CTNNA3: variants seen among roughly 807,000 people sequenced by gnomAD.
CTNNA3 encodes the protein catenin alpha-3.
Under a neutral mutation model 95.7 loss-of-function variants are expected in CTNNA3, and 76 were observed. The observed-to-expected ratio is 0.79, with a 90% CI of 0.66 to 0.96. CTNNA3 has a LOEUF of 0.96. Ranked by LOEUF, CTNNA3 falls within the 40% of genes least tolerant of loss-of-function variation. CTNNA3 has a pLI of 0.00. For synonymous variants in CTNNA3, 431 were observed against 374.4 expected (o/e 1.15, Z -1.74); for missense variants, 1,191 against 1,089.8 (o/e 1.09, Z -1.31).
At chr10:66,475,103 G>T (rs1314491913) in intron 11 of CTNNA3, among the ~76,000 whole-genome samples, 1 of 151,844 alleles carries the variant, frequency 6.6e-6, no homozygotes, top group Non-Finnish European at 1.5e-5. Context: ...TTAAGTTGTT[G>T]ATTTGTTTTT....
rs774671149 is a variant in CTNNA3, at chr10:67,005,687, T to TTTTTTTTGTTTTTG, written c.1047+174629_1047+174630insCAAAAACAAAAAAA. Among the ~76,000 whole-genome samples the TTTTTTTTGTTTTTG allele has an allele frequency of 2.1e-3, 214 of 102,322 alleles. 9 individuals carry two copies. Among genetic ancestry groups the TTTTTTTTGTTTTTG allele is most frequent in the African/African-American group, 6.1e-3 (198 of 32,448 alleles). The allele number at this position is 102,322 out of a possible 152,430, so 67.1% of individuals were successfully genotyped here. ...TTTTGTTTATTTTACTCCATCTTTT[T>TTTTTTTTGTTTTTG]TTTTTTTTTTTTTTTTGAGACGGAG... On this transcript the variant is annotated intron_variant, in intron 7 of 17. Transcript: ENST00000433211.
chr10:67,615,478 A>T (rs1843621011), intron 2 of CTNNA3, among the ~76,000 whole-genome samples: 1 of 152,198 alleles, frequency 6.6e-6, no homozygotes, highest in Admixed American at 6.5e-5. Context: ...TCTAGTTTTC[A>T]CTTAACCACT....
At chr10:66,015,600 C>T (rs2079079866) in intron 15 of CTNNA3, among the ~76,000 whole-genome samples, 1 of 151,820 alleles carries the variant, frequency 6.6e-6, no homozygotes, top group Non-Finnish European at 1.5e-5. Context: ...CCAACTTTTT[C>T]GTTACCTACA....
chr10:67,313,278 T>TA (rs890773398), intron 5 of CTNNA3, among the ~76,000 whole-genome samples: 32 of 150,966 alleles, frequency 2.1e-4, no homozygotes, highest in African/African-American at 7.3e-4. Flanking sequence ...CTACTAAAAA[T>TA]AAAAAAAAAT....
intron 15 of CTNNA3, among the ~76,000 whole-genome samples, chr10:66,042,935 T>G (rs867010013): frequency 0.017 from 1,388 of 80,186 alleles, 39 homozygotes; most frequent in African/African-American, 0.062. Flanking sequence ...AAAAAGAAAA[T>G]AAAAATAATG....
At chr10:66,745,016 T>A (rs1198965475) in intron 9 of CTNNA3, among the ~76,000 whole-genome samples, 5 of 152,168 alleles carry the variant, frequency 3.3e-5, no homozygotes, top group African/African-American at 1.2e-4. Context: ...AGAGTCACAA[T>A]TCAAGACCGT....
At chr10:66,904,698 G>C (rs887875404) in intron 7 of CTNNA3, among the ~76,000 whole-genome samples, 5 of 152,134 alleles carry the variant, frequency 3.3e-5, no homozygotes, top group Non-Finnish European at 5.9e-5. Flanking sequence ...CCATCAAAAA[G>C]TGGGCAAAGG....
intron 9 of CTNNA3, among the ~76,000 whole-genome samples, chr10:66,667,926 T>C (rs1052796827): frequency 2.0e-5 from 3 of 152,088 alleles, no homozygotes; most frequent in African/African-American, 7.2e-5. Context: ...CATATACTCT[T>C]ATAGTGCCCA....
intron 5 of CTNNA3, among the ~76,000 whole-genome samples, chr10:67,403,599 C>T (rs1845010885): frequency 6.6e-6 from 1 of 152,178 alleles, no homozygotes; most frequent in African/African-American, 2.4e-5. Flanking sequence ...GGTGGGCTGC[C>T]ACCTGTGCTG....
chr10:67,447,648 G>A lies in CTNNA3; in HGVS notation c.579+74194C>T, dbSNP rs147176888. ...CTCAATGTCACTTTCAAAGAAAGATGATCCCTGACCACCTTGTATCAAACA... is the reference window on the plus strand; with the variant it reads ...CTCAATGTCACTTTCAAAGAAAGATAATCCCTGACCACCTTGTATCAAACA... On this transcript the variant is annotated intron_variant, in intron 5 of 17. Transcript: ENST00000433211. Among the ~76,000 whole-genome samples the A allele has an allele frequency of 2.1e-3, 321 of 152,178 alleles. 2 individuals are homozygous for A. The highest frequency in any genetic ancestry group is 7.4e-3 in the African/African-American group (308 of 41,542).
At chr10:67,352,938 AT>A (rs1842686376) in intron 5 of CTNNA3, among the ~76,000 whole-genome samples, 1 of 151,940 alleles carries the variant, frequency 6.6e-6, no homozygotes, top group Non-Finnish European at 1.5e-5. Flanking sequence ...TATGTACACA[AT>A]GGCCAACTAG....
At chr10:66,766,207 G>A in intron 9 of CTNNA3, 57 bp downstream of exon 9, 10 of 1,551,966 alleles carry the variant, frequency 6.4e-6, no homozygotes, top group South Asian at 1.1e-5. Flanking sequence ...ACCATAAATG[G>A]AGAATGGGAG....
At chr10:67,218,809 T>C (rs1044215352) in intron 6 of CTNNA3, among the ~76,000 whole-genome samples, 1 of 152,236 alleles carries the variant, frequency 6.6e-6, no homozygotes. Context: ...AGCCTGGTTT[T>C]TCAGTTCCTC....
chr10:66,875,190 G>A (rs1227785010), intron 7 of CTNNA3, among the ~76,000 whole-genome samples: 3 of 152,082 alleles, frequency 2.0e-5, no homozygotes, highest in East Asian at 1.9e-4. Flanking sequence ...GAAAGATGTG[G>A]GAGAAGTTTC....
At chr10:67,455,832 T>C (rs1365731026) in intron 5 of CTNNA3, among the ~76,000 whole-genome samples, 2 of 152,102 alleles carry the variant, frequency 1.3e-5, no homozygotes, top group African/African-American at 4.8e-5. Context: ...GATGATTACA[T>C]GTAACACTGA....
At chr10:67,539,953 G>T (rs980165073) in intron 3 of CTNNA3, among the ~76,000 whole-genome samples, 21 of 152,074 alleles carry the variant, frequency 1.4e-4, no homozygotes, top group Non-Finnish European at 1.5e-5. Context: ...TGCATTTGCT[G>T]AATCTCATTT....
At chr10:66,149,233 ACT>A (rs923785186) in intron 13 of CTNNA3, among the ~76,000 whole-genome samples, 12 of 147,226 alleles carry the variant, frequency 8.2e-5, no homozygotes, top group African/African-American at 1.7e-4. Flanking sequence ...AATATATATA[ACT>A]CTATATTTAT....
At chr10:66,411,189 T>C (rs7914875) in intron 11 of CTNNA3, among the ~76,000 whole-genome samples, 37,665 of 152,108 alleles carry the variant, frequency 0.25, 4,833 homozygotes, top group South Asian at 0.37. Context: ...GTAAATAATG[T>C]GTCCTGTGTT....
Position 66,772,687 on chromosome 10 carries a change from T to C in CTNNA3, c.1128+2757A>G, listed in dbSNP as rs73307085. Among the ~76,000 whole-genome samples, 1,283 of 152,282 alleles carry C rather than the reference T, an allele frequency of 8.4e-3. 18 individuals are homozygous for C. The highest frequency in any genetic ancestry group is 0.029 in the African/African-American group (1,205 of 41,544). On this transcript the variant is annotated intron_variant, in intron 8 of 17. Coordinates refer to ENST00000433211, the MANE Select transcript of CTNNA3 (RefSeq NM_013266.4). The stretch of plus-strand genomic sequence containing the variant: ...CTCTCGCCTCCTAGAACATTCCATC[T>C]TGATGTCCTCAAATCTATAATTTGC...
Sources: allele counts gnomAD v4.1 joint callset (sites outside exome capture counted in the v4.1 genomes callset), GRCh38; gene constraint gnomAD v4.1.1; transcripts MANE v1.5; gene names NCBI Gene and HGNC (gene_info 2026-07-23, HGNC 2026-07-21).